Variants in DNAJC5 observed in about 807,000 individuals in gnomAD.
DNAJC5 encodes the protein dnaJ homolog subfamily C member 5.
Under a neutral mutation model 23.2 loss-of-function variants are expected in DNAJC5, and 1 was observed. That is an observed-to-expected ratio of 0.04 (90% confidence interval 0.02 to 0.20). The LOEUF is 0.20. DNAJC5 is among the 10% of genes least tolerant of loss of function. The pLI, the probability that DNAJC5 is intolerant of heterozygous loss-of-function variation, is 1.00. For synonymous variants in DNAJC5, 136 were observed against 120.0 expected (o/e 1.13, Z -0.87); for missense variants, 180 against 267.0 (o/e 0.67, Z 2.27).
At chr20:63,900,918 C>G (rs761411851) in intron 1 of DNAJC5, among the ~76,000 whole-genome samples, 1 of 152,184 alleles carries the variant, frequency 6.6e-6, no homozygotes, top group Non-Finnish European at 1.5e-5. Flanking sequence ...TAATCATTTA[C>G]GAGGTGAAGT....
intron 1 of DNAJC5, among the ~76,000 whole-genome samples, chr20:63,912,639 C>T (rs150452993): frequency 0.02 from 3,025 of 152,192 alleles, 44 homozygotes; most frequent in Non-Finnish European, 0.023. Flanking sequence ...CTCGCTCTGT[C>T]GCCCAGGCTG....
At chr20:63,896,780 G>A (rs2053378415) in intron 1 of DNAJC5, among the ~76,000 whole-genome samples, 1 of 152,188 alleles carries the variant, frequency 6.6e-6, no homozygotes, top group Non-Finnish European at 1.5e-5. Context: ...TCCGTGGAGA[G>A]AATGTTTTGT....
At chr20:63,900,470 C>T (rs559681880) in intron 1 of DNAJC5, among the ~76,000 whole-genome samples, 6 of 147,750 alleles carry the variant, frequency 4.1e-5, no homozygotes, top group Admixed American at 6.9e-5. Context: ...CCCAGCTACT[C>T]GGAGGCTGAG....
intron 1 of DNAJC5, among the ~76,000 whole-genome samples, chr20:63,919,213 C>T (rs929224954): frequency 3.3e-5 from 5 of 152,348 alleles, no homozygotes; most frequent in East Asian, 1.9e-4. Context: ...GAGCAGGGAC[C>T]TGCTAAACTG....
intron 1 of DNAJC5, among the ~76,000 whole-genome samples, chr20:63,906,529 A>C (rs949368638): frequency 6.6e-6 from 1 of 152,062 alleles, no homozygotes; most frequent in Non-Finnish European, 1.5e-5. Flanking sequence ...TCACGCCTGT[A>C]ATCCCAGCAT....
chr20:63,906,657 C>T (rs983772020), intron 1 of DNAJC5, among the ~76,000 whole-genome samples: 2 of 151,382 alleles, frequency 1.3e-5, no homozygotes, highest in African/African-American at 2.4e-5. Flanking sequence ...TGGTGGGCGC[C>T]TGTATATAGT....
In DNAJC5 at chr20:63,931,975, G is replaced by A; in HGVS notation, c.*407G>A. 2.9e-6 allele frequency: 1 copy of A among 343,172 alleles called. No homozygotes were observed. Among genetic ancestry groups the A allele is most frequent in the South Asian group, 2.3e-5 (1 of 42,940 alleles). 21.3% of individuals were successfully genotyped at this position (343,172 alleles called of 1,614,324 possible). A position where few individuals can be genotyped will look rare whatever the true frequency, so the allele number is the denominator to read the frequency against. On this transcript the variant is annotated 3_prime_UTR_variant, in exon 5 of 5. Transcript: ENST00000360864. This position sits in a 1 kb window ranked among gnomAD's most constrained non-coding sequence, Gnocchi z 9.6. ...CTGCCCCTTTCCTACCTGTGCTTGA[G>A]GGGCCGGAGGCAGGTGCTGCCTGGC... is the stretch of plus-strand genomic sequence containing the variant.
At chr20:63,917,831 A>AT (rs1429606867) in intron 1 of DNAJC5, among the ~76,000 whole-genome samples, 4 of 152,116 alleles carry the variant, frequency 2.6e-5, no homozygotes, top group African/African-American at 7.2e-5. Flanking sequence ...TTCTGGGATT[A>AT]TTTTTTAAGC....
At position 63,931,130 on chromosome 20, in the gene DNAJC5, C is replaced by G; in HGVS notation, c.493+108C>G. The G allele has an allele frequency of 8.1e-7, 1 of 1,237,744 alleles. No homozygotes were observed. The highest frequency in any genetic ancestry group is 1.2e-6 in the Non-Finnish European group (1 of 866,578). The allele number at this position is 1,237,744 out of a possible 1,614,324, so 76.7% of individuals were successfully genotyped here. A position where few individuals can be genotyped will look rare whatever the true frequency, so the allele number is the denominator to read the frequency against. On this transcript the variant is annotated intron_variant, in intron 4 of 4. Transcript: ENST00000360864. This position sits in a 1 kb window ranked among gnomAD's most constrained non-coding sequence, Gnocchi z 9.6. The stretch of plus-strand genomic sequence containing the variant: ...ACAGGAGGGCACTGACACTGTGCCG[C>G]GAGTGTTTGTGGTGGCAGCTGGGAC...
At chr20:63,908,560 A>G (rs1012553713) in intron 1 of DNAJC5, among the ~76,000 whole-genome samples, 6 of 152,194 alleles carry the variant, frequency 3.9e-5, no homozygotes. Context: ...TAGATATGAT[A>G]CTGCAAGTAG....
chr20:63,903,960 C>T (rs1201811934), intron 1 of DNAJC5, among the ~76,000 whole-genome samples: 2 of 152,084 alleles, frequency 1.3e-5, no homozygotes, highest in African/African-American at 2.4e-5. Context: ...GTGGTGCATG[C>T]CTGTGGTCCC....
chr20:63,913,187 C>T (rs750358734), intron 1 of DNAJC5, among the ~76,000 whole-genome samples: 2 of 152,142 alleles, frequency 1.3e-5, no homozygotes, highest in Non-Finnish European at 2.9e-5. Context: ...GCTGTGTCTT[C>T]CCCATCCCAG....
chr20:63,916,774 C>G lies in DNAJC5; in HGVS notation c.-11-11561C>G, dbSNP rs558345451. 2.6e-5 allele frequency among the ~76,000 whole-genome samples: 4 copies of G among 152,242 alleles called. No individual in the cohort carries two copies. In the East Asian group the frequency reaches 7.7e-4, roughly 29 times the overall value. ...GAGCAGCCTTCTGTAGACCTCCCCC[C>G]AGGAATGCATTCCTTTCCCAGAGTA... is the stretch of plus-strand genomic sequence containing the variant. On this transcript the variant is annotated intron_variant, in intron 1 of 4. Transcript: ENST00000360864.
At chr20:63,908,311 C>T (rs542947027) in intron 1 of DNAJC5, among the ~76,000 whole-genome samples, 110 of 152,174 alleles carry the variant, frequency 7.2e-4, no homozygotes, top group Non-Finnish European at 1.3e-3. Context: ...AAAGTCAGGG[C>T]CGTTTCCATC....
chr20:63,910,234 T>C (rs2053473987), intron 1 of DNAJC5, among the ~76,000 whole-genome samples: 3 of 152,158 alleles, frequency 2.0e-5, no homozygotes, highest in Admixed American at 6.6e-5. Context: ...TTTTGTCTGC[T>C]GTTTGCACCA....
At chr20:63,901,863 C>T (rs1224537852) in intron 1 of DNAJC5, among the ~76,000 whole-genome samples, 2 of 152,208 alleles carry the variant, frequency 1.3e-5, no homozygotes, top group Non-Finnish European at 2.9e-5. Flanking sequence ...CTTCTGTCAT[C>T]TCTTGCCAAG....
At chr20:63,916,654 G>C (rs973880310) in intron 1 of DNAJC5, among the ~76,000 whole-genome samples, 1 of 152,182 alleles carries the variant, frequency 6.6e-6, no homozygotes, top group Non-Finnish European at 1.5e-5. Flanking sequence ...AATTTACCAG[G>C]GTGGGGTTTC....
intron 1 of DNAJC5, among the ~76,000 whole-genome samples, chr20:63,925,305 G>A (rs2053603358): frequency 6.6e-6 from 1 of 152,122 alleles, no homozygotes; most frequent in African/African-American, 2.4e-5. Flanking sequence ...TCAATGTGGT[G>A]AAACCCCATC....
At chr20:63,926,512 C>T (rs1417172912) in intron 1 of DNAJC5, among the ~76,000 whole-genome samples, 1 of 152,236 alleles carries the variant, frequency 6.6e-6, no homozygotes, top group Non-Finnish European at 1.5e-5. Flanking sequence ...TGCAGAGGAA[C>T]GTTGCCATTA....
Sources: allele counts gnomAD v4.1 joint callset (sites outside exome capture counted in the v4.1 genomes callset), GRCh38; gene constraint gnomAD v4.1.1; non-coding constraint Gnocchi (gnomAD v3.1); transcripts MANE v1.5; gene names NCBI Gene and HGNC (gene_info 2026-07-23, HGNC 2026-07-21).